Variants in ZNF804B observed in about 807,000 individuals in gnomAD.
ZNF804B encodes the protein zinc finger protein 804B, also known as zinc finger 804B.
ZNF804B carries 80 observed loss-of-function variants against 101.4 expected under a neutral mutation model. That is an observed-to-expected ratio of 0.79 (90% CI 0.66 to 0.95). The LOEUF is 0.95. ZNF804B is among the 40% of genes least tolerant of loss of function. ZNF804B has a pLI of 0.00. For synonymous variants in ZNF804B, 622 were observed against 558.8 expected (o/e 1.11, Z -1.59); for missense variants, 1,673 against 1,561.9 (o/e 1.07, Z -1.20).
At chr7:88,762,444 T>C (rs2718304) in intron 1 of ZNF804B, among the ~76,000 whole-genome samples, 63,590 of 152,056 alleles carry the variant, frequency 0.42, 16,053 homozygotes, top group African/African-American at 0.7. Flanking sequence ...CACTACCTTC[T>C]GGACCTTAGA....
At chr7:89,131,500 C>G (rs1052023842) in intron 1 of ZNF804B, among the ~76,000 whole-genome samples, 1 of 151,824 alleles carries the variant, frequency 6.6e-6, no homozygotes, top group Non-Finnish European at 1.5e-5. Context: ...GTAGATAGAC[C>G]CCATAACTGG....
At chr7:89,129,526 G>A (rs1025836138) in intron 1 of ZNF804B, among the ~76,000 whole-genome samples, 1 of 151,948 alleles carries the variant, frequency 6.6e-6, no homozygotes, top group African/African-American at 2.4e-5. Context: ...CTGGACTAAG[G>A]CTTCCAAGAT....
In ZNF804B at chr7:89,220,052, TAC is replaced by T. The variant is rs1196037151; in HGVS notation, c.249+1759_249+1760del. 5.1e-5 allele frequency among the ~76,000 whole-genome samples: 7 copies of T among 136,366 alleles called. 1 individual carries two copies. Among genetic ancestry groups the T allele is most frequent in the African/African-American group, 2.0e-4 (7 of 34,860 alleles). 89.5% of individuals were successfully genotyped at this position (136,366 alleles called of 152,430 possible). ...ATATACGCACATATATGTGCATATA[TAC>T]ATATATACGCACATATATGTGTATA... is the stretch of plus-strand genomic sequence containing the variant. On this transcript the variant is annotated intron_variant, in intron 2 of 3. Coordinates refer to ENST00000333190, the MANE Select transcript of ZNF804B (RefSeq NM_181646.5).
At position 89,327,445 on chromosome 7, in the gene ZNF804B, G is replaced by T; in HGVS notation, c.351G>T (p.Gln117His). The change falls in exon 3 of 4, where the codon CAG (glutamine) becomes CAT (histidine). Residue 117 changes from glutamine to histidine, a missense_variant. Transcript: ENST00000333190. The stretch of plus-strand genomic sequence containing the variant: ...AAAAAGCACTTAAACGACTTCATCA[G>T]CTGGCTGAGTTAAGGCAGCAATCTG... ...KQEKALKRLH[Q>H]LAELRQQSEC... The T allele has an allele frequency of 6.8e-6, 11 of 1,611,290 alleles. No individual in the cohort carries two copies. The highest frequency in any genetic ancestry group is 9.3e-6 in the Non-Finnish European group (11 of 1,178,468).
In ZNF804B at chr7:89,335,408, A is replaced by C. The variant is rs754436460; in HGVS notation, c.2426A>C (p.Lys809Thr). 1 of 1,613,846 alleles carries C rather than the reference A, an allele frequency of 6.2e-7. No individual in the cohort carries two copies. The highest frequency in any genetic ancestry group is 8.5e-7 in the Non-Finnish European group (1 of 1,179,908). Residue 809 changes from lysine to threonine, a missense_variant, in exon 4 of 4, where the codon AAA becomes ACA. Physicochemically the swap from Lys to Thr is moderately conservative, Grantham distance 78 (BLOSUM62 -1). Coordinates refer to ENST00000333190, the MANE Select transcript of ZNF804B (RefSeq NM_181646.5). The part of the protein sequence containing the change: ...RRYCHCRERQ[K>T]LGKNQQQFSG... Reference sequence around the variant, plus strand: ...TATTGTCACTGCAGAGAAAGACAAAAACTGGGCAAAAATCAACAACAATTT... The same window carrying C: ...TATTGTCACTGCAGAGAAAGACAAACACTGGGCAAAAATCAACAACAATTT...
At chr7:89,273,997 C>A (rs971387735) in intron 2 of ZNF804B, among the ~76,000 whole-genome samples, 1 of 151,964 alleles carries the variant, frequency 6.6e-6, no homozygotes, top group Admixed American at 6.6e-5. Context: ...CTTTCAAATT[C>A]GCGTCTTGGC....
At chr7:89,015,547 T>G (rs1028483249) in intron 1 of ZNF804B, among the ~76,000 whole-genome samples, 1 of 151,776 alleles carries the variant, frequency 6.6e-6, no homozygotes, top group Admixed American at 6.6e-5. Flanking sequence ...CCATGTGTTC[T>G]CATTGTTCAA....
intron 2 of ZNF804B, among the ~76,000 whole-genome samples, chr7:89,226,445 A>T (rs1346097796): frequency 1.3e-5 from 2 of 152,072 alleles, no homozygotes; most frequent in African/African-American, 2.4e-5. Flanking sequence ...AAAATAGATG[A>T]TGTAAAATGT....
At chr7:89,195,682 G>A (rs1271703649) in intron 1 of ZNF804B, among the ~76,000 whole-genome samples, 1 of 151,618 alleles carries the variant, frequency 6.6e-6, no homozygotes, top group Non-Finnish European at 1.5e-5. Flanking sequence ...AGCTTCTTAA[G>A]CTGATAAGAA....
intron 1 of ZNF804B, among the ~76,000 whole-genome samples, chr7:89,132,922 T>G (rs1425560889): frequency 6.6e-6 from 1 of 152,016 alleles, no homozygotes; most frequent in African/African-American, 2.4e-5. Flanking sequence ...GGCTGAGATT[T>G]CAAGAAGCAA....
At chr7:89,016,281 G>T (rs1437528774) in intron 1 of ZNF804B, among the ~76,000 whole-genome samples, 4 of 151,938 alleles carry the variant, frequency 2.6e-5, no homozygotes, top group East Asian at 1.9e-4. Flanking sequence ...CTCCCATTTT[G>T]TAGGTTGCCT....
In ZNF804B at chr7:89,189,847, A is replaced by G. The variant is rs538178082; in HGVS notation, c.109-28308A>G. 7.2e-5 allele frequency among the ~76,000 whole-genome samples: 11 copies of G among 152,228 alleles called. No homozygotes were observed. The South Asian group carries it at 1.5e-3, about 20-fold the overall frequency. On this transcript the variant is annotated intron_variant, in intron 1 of 3. Transcript: ENST00000333190. Reference sequence around the variant, plus strand: ...TAACACAACATCCACTCTGTAGCCTATGTAATTTCAACTATCAAGCCCTAC... The same window carrying G: ...TAACACAACATCCACTCTGTAGCCTGTGTAATTTCAACTATCAAGCCCTAC...
intron 1 of ZNF804B, among the ~76,000 whole-genome samples, chr7:88,824,430 G>A (rs751107035): frequency 3.3e-5 from 5 of 152,066 alleles, no homozygotes; most frequent in African/African-American, 4.8e-5. Context: ...ATGATTGTAA[G>A]TTTCCTGAGA....
chr7:89,146,401 G>A (rs1480356266), intron 1 of ZNF804B, among the ~76,000 whole-genome samples: 1 of 151,986 alleles, frequency 6.6e-6, no homozygotes. Context: ...GAAATTATGA[G>A]CCATCTAAAT....
At chr7:89,120,946 A>T (rs1208007039) in intron 1 of ZNF804B, among the ~76,000 whole-genome samples, 1 of 152,256 alleles carries the variant, frequency 6.6e-6, no homozygotes, top group Non-Finnish European at 1.5e-5. Context: ...TCCAACAAAA[A>T]TATAGCCACT....
At chr7:88,853,521 G>T (rs1319071616) in intron 1 of ZNF804B, among the ~76,000 whole-genome samples, 1 of 152,066 alleles carries the variant, frequency 6.6e-6, no homozygotes, top group Admixed American at 6.6e-5. Context: ...GCTGGATTAT[G>T]CTAACATTGA....
intron 1 of ZNF804B, among the ~76,000 whole-genome samples, chr7:89,069,411 A>G (rs2116294533): frequency 6.6e-6 from 1 of 152,336 alleles, no homozygotes; most frequent in Admixed American, 6.5e-5. Context: ...CTTATTAAGT[A>G]TAATTAGGGA....
At chr7:89,197,197 C>T (rs1055134395) in intron 1 of ZNF804B, among the ~76,000 whole-genome samples, 1 of 151,788 alleles carries the variant, frequency 6.6e-6, no homozygotes. Context: ...CAGAGATAGC[C>T]CTGAACTTAA....
At chr7:89,110,923 C>CT (rs1790206044) in intron 1 of ZNF804B, among the ~76,000 whole-genome samples, 1 of 152,074 alleles carries the variant, frequency 6.6e-6, no homozygotes, top group African/African-American at 2.4e-5. Context: ...AACCACTGAT[C>CT]TTTTTACTGT....
Sources: allele counts gnomAD v4.1 joint callset (sites outside exome capture counted in the v4.1 genomes callset), GRCh38; gene constraint gnomAD v4.1.1; transcripts MANE v1.5; gene names NCBI Gene and HGNC (gene_info 2026-07-23, HGNC 2026-07-21).